Variants in FGF14 observed in about 807,000 individuals in gnomAD.
FGF14 encodes the protein fibroblast growth factor 14.
FGF14 carries 5 observed loss-of-function variants against 25.5 expected under a neutral mutation model. The observed-to-expected ratio is 0.20, with a 90% CI of 0.10 to 0.41. The LOEUF (loss-of-function observed/expected upper bound fraction) is 0.41. FGF14 is among the 10% of genes least tolerant of loss of function. The pLI, the probability that FGF14 is intolerant of heterozygous loss-of-function variation, is 1.00. For synonymous variants in FGF14, 138 were observed against 118.3 expected (o/e 1.17, Z -1.08); for missense variants, 222 against 320.1 (o/e 0.69, Z 2.34).
At chr13:102,141,447 A>C (rs988246044) in intron 1 of FGF14, among the ~76,000 whole-genome samples, 1 of 152,220 alleles carries the variant, frequency 6.6e-6, no homozygotes, top group African/African-American at 2.4e-5. Context: ...TTATGAACGA[A>C]TGCAGCAATT....
At chr13:101,960,985 T>C (rs1156614352) in intron 1 of FGF14, among the ~76,000 whole-genome samples, 1 of 152,238 alleles carries the variant, frequency 6.6e-6, no homozygotes, top group East Asian at 1.9e-4. Flanking sequence ...GCAGGATAAA[T>C]GTCTTCTTTT....
chr13:102,032,795 T>C (rs2041274825), intron 1 of FGF14, among the ~76,000 whole-genome samples: 1 of 152,118 alleles, frequency 6.6e-6, no homozygotes. Context: ...AGGCCGTCCA[T>C]GAGGAAAAGA....
At chr13:102,346,539 T>C (rs894243666) in intron 1 of FGF14, among the ~76,000 whole-genome samples, 56 of 152,098 alleles carry the variant, frequency 3.7e-4, no homozygotes, top group African/African-American at 1.4e-3. Flanking sequence ...CTATGTCATA[T>C]ATGGCAGCGT....
At chr13:101,788,698 G>A (rs563023079) in intron 3 of FGF14, among the ~76,000 whole-genome samples, 160 of 151,510 alleles carry the variant, frequency 1.1e-3, no homozygotes, top group Middle Eastern at 3.5e-3. Flanking sequence ...TATTTTCTAT[G>A]CAATTCTCTA....
chr13:101,975,393 C>A (rs2037860924), intron 1 of FGF14, among the ~76,000 whole-genome samples: 1 of 152,136 alleles, frequency 6.6e-6, no homozygotes, highest in Non-Finnish European at 1.5e-5. Flanking sequence ...ATGAACACCA[C>A]CTTCTCCAAA....
intron 1 of FGF14, among the ~76,000 whole-genome samples, chr13:101,948,270 T>C (rs924215372): frequency 6.6e-6 from 1 of 152,152 alleles, no homozygotes; most frequent in Non-Finnish European, 1.5e-5. Context: ...ATAGCTCAGG[T>C]TTCCTTGCCC....
intron 1 of FGF14, among the ~76,000 whole-genome samples, chr13:102,304,091 AATCATC>A (rs148147112): frequency 5.3e-5 from 8 of 151,698 alleles, no homozygotes; most frequent in South Asian, 4.2e-4. Flanking sequence ...ACTGAACCCA[AATCATC>A]ATCATCATCA....
At chr13:101,807,235 A>T (rs532962946) in intron 3 of FGF14, among the ~76,000 whole-genome samples, 50 of 152,232 alleles carry the variant, frequency 3.3e-4, no homozygotes, top group African/African-American at 1.1e-3. Flanking sequence ...ATCACTACTC[A>T]TTCCCATTTT....
intron 1 of FGF14, chr13:102,299,978 T>C (rs916895486): frequency 6.6e-6 from 1 of 152,172 alleles, no homozygotes; most frequent in African/African-American, 2.4e-5. Flanking sequence ...CTGGGATATG[T>C]GTATTTCATC....
At chr13:102,341,359 A>T (rs1282470706) in intron 1 of FGF14, among the ~76,000 whole-genome samples, 1 of 152,208 alleles carries the variant, frequency 6.6e-6, no homozygotes, top group Non-Finnish European at 1.5e-5. Flanking sequence ...ATTCCAAATA[A>T]CAGAAAGTAC....
At chr13:102,298,824 C>T (rs187648283) in intron 1 of FGF14, among the ~76,000 whole-genome samples, 15 of 152,182 alleles carry the variant, frequency 9.9e-5, no homozygotes, top group Admixed American at 2.6e-4. Flanking sequence ...TTTAAAATTC[C>T]GGTGTCTGAG....
At chr13:101,842,441 CCCACAAGGGCAGGA>C (rs2043236899) in intron 3 of FGF14, among the ~76,000 whole-genome samples, 1 of 151,970 alleles carries the variant, frequency 6.6e-6, no homozygotes, top group Non-Finnish European at 1.5e-5. Flanking sequence ...AACACAGAAG[CCCACAAGGGCAGGA>C]GTGCTTATGG....
At chr13:102,204,614 G>A (rs998443733) in intron 1 of FGF14, among the ~76,000 whole-genome samples, 4 of 151,892 alleles carry the variant, frequency 2.6e-5, no homozygotes, top group African/African-American at 7.3e-5. Context: ...TGGTGCGGTC[G>A]TGGCTCACTG....
intron 1 of FGF14, among the ~76,000 whole-genome samples, chr13:102,077,028 G>A (rs977670103): frequency 6.6e-6 from 1 of 152,116 alleles, no homozygotes; most frequent in African/African-American, 2.4e-5. Context: ...ACACAATGGG[G>A]AATGAACAGT....
intron 1 of FGF14, among the ~76,000 whole-genome samples, chr13:102,022,120 G>T (rs993670900): frequency 1.3e-5 from 2 of 151,994 alleles, no homozygotes; most frequent in Non-Finnish European, 2.9e-5. Context: ...CTGTTAAGCA[G>T]CACCCCCACC....
intron 1 of FGF14, among the ~76,000 whole-genome samples, chr13:102,206,604 C>T (rs1471985874): frequency 6.6e-6 from 1 of 152,102 alleles, no homozygotes; most frequent in Non-Finnish European, 1.5e-5. Flanking sequence ...TCACTTGAAT[C>T]CAGGAGGTGG....
chr13:102,325,233 C>G (rs1030696524), intron 1 of FGF14, among the ~76,000 whole-genome samples: 2 of 151,694 alleles, frequency 1.3e-5, no homozygotes, highest in East Asian at 1.9e-4. Flanking sequence ...TTAATTAAAC[C>G]TGGAATTTTT....
chr13:101,931,594 A>C (rs1441339430), intron 1 of FGF14, among the ~76,000 whole-genome samples: 1 of 152,208 alleles, frequency 6.6e-6, no homozygotes, highest in Non-Finnish European at 1.5e-5. Context: ...CTGTGCATCC[A>C]GTCTACCCTC....
At chr13:101,790,558 T>A (rs573461438) in intron 3 of FGF14, among the ~76,000 whole-genome samples, 22 of 152,290 alleles carry the variant, frequency 1.4e-4, no homozygotes, top group African/African-American at 4.8e-4. Flanking sequence ...ACTATCTATG[T>A]GTGTCCCATC....
Sources: gnomAD v4.1 joint callset for allele counts (sites outside exome capture counted in the v4.1 genomes callset) on GRCh38, gnomAD v4.1.1 for gene constraint, MANE v1.5 for transcripts, NCBI Gene and HGNC (gene_info 2026-07-23, HGNC 2026-07-21) for gene names.